XKR6: variants seen among roughly 807,000 people sequenced by gnomAD.
XKR6 encodes XK-related protein 6.
Under a neutral mutation model 56.7 loss-of-function variants are expected in XKR6, and 22 were observed. That is an observed-to-expected ratio of 0.39 (90% CI 0.28 to 0.55). The LOEUF (loss-of-function observed/expected upper bound fraction) is 0.55, where lower values mean the gene tolerates loss of function less well. XKR6 is among the 20% of genes least tolerant of loss of function. XKR6 has a pLI of 0.66. For synonymous variants in XKR6, 524 were observed against 387.8 expected (o/e 1.35, Z -4.13); for missense variants, 852 against 889.0 (o/e 0.96, Z 0.53).
chr8:10,929,831 G>A (rs1156547637), intron 1 of XKR6, among the ~76,000 whole-genome samples: 2 of 152,272 alleles, frequency 1.3e-5, no homozygotes, highest in South Asian at 2.1e-4. Flanking sequence ...TCCCTGAGGT[G>A]CCCTGTTCCT....
intron 1 of XKR6, chr8:11,108,116 G>A (rs1021377600): frequency 2.1e-5 from 7 of 339,980 alleles, no homozygotes; most frequent in South Asian, 9.1e-5. Context: ...TTGGAAACAC[G>A]CAAAGGGACC....
intron 1 of XKR6, among the ~76,000 whole-genome samples, chr8:11,097,976 T>C (rs1307947728): frequency 6.6e-6 from 1 of 151,864 alleles, no homozygotes; most frequent in East Asian, 1.9e-4. Context: ...AAATACGTAA[T>C]ATCAACTGGT....
At chr8:10,962,187 G>A (rs1192601935) in intron 1 of XKR6, among the ~76,000 whole-genome samples, 1 of 152,210 alleles carries the variant, frequency 6.6e-6, no homozygotes, top group Non-Finnish European at 1.5e-5. Context: ...AAAGAAGTAA[G>A]AAAATGCAAA....
chr8:11,198,930 A>AAC (rs1804043807), intron 1 of XKR6, among the ~76,000 whole-genome samples: 1 of 152,108 alleles, frequency 6.6e-6, no homozygotes, highest in Non-Finnish European at 1.5e-5. Context: ...AAAAAAAAAA[A>AAC]GGTATCTCCA....
At chr8:11,124,264 T>A (rs1316041728) in intron 1 of XKR6, 1 of 345,504 alleles carries the variant, frequency 2.9e-6, no homozygotes, top group Admixed American at 3.9e-5. Context: ...ACCCCTCTGT[T>A]AGGCAAAACA....
At chr8:11,002,327 A>T (rs1798260599) in intron 1 of XKR6, 3 of 230,798 alleles carry the variant, frequency 1.3e-5, no homozygotes, top group Non-Finnish European at 2.9e-5. Flanking sequence ...TGGAAGTAAG[A>T]TGCATAGCCT....
intron 1 of XKR6, among the ~76,000 whole-genome samples, chr8:11,024,207 GTGTGTGTGTGTGT>G (rs1563352295): frequency 8.8e-5 from 4 of 45,438 alleles, no homozygotes; most frequent in African/African-American, 4.8e-4. Flanking sequence ...GTTAGGAGGT[GTGTGTGTGTGTGT>G]GTGTGTGTGT....
chr8:11,123,715 C>A (rs972755486), intron 1 of XKR6: 2 of 378,284 alleles, frequency 5.3e-6, no homozygotes, highest in Admixed American at 6.6e-5. Flanking sequence ...GAGGCTGAAT[C>A]TCCTGAAGAA....
chr8:10,950,934 G>A lies in XKR6; in HGVS notation c.765-26104C>T, dbSNP rs148590448. ...CATGAGAAGCCTGAGGTGCAGAGAC[G>A]GCGAGTTACTTGCCCAAGGCCACAC... On this transcript the variant is annotated intron_variant, in intron 1 of 2. Coordinates refer to ENST00000416569, the MANE Select transcript of XKR6 (RefSeq NM_173683.4). Among the ~76,000 whole-genome samples the A allele has an allele frequency of 4.3e-4, 65 of 152,296 alleles. No homozygotes were observed. The East Asian group carries it at 8.9e-3, about 21-fold the overall frequency.
intron 1 of XKR6, among the ~76,000 whole-genome samples, chr8:11,152,203 T>C (rs1038348779): frequency 6.6e-6 from 1 of 152,214 alleles, no homozygotes; most frequent in Non-Finnish European, 1.5e-5. Context: ...ATTAGTGCTA[T>C]CAGCTGTGAG....
At chr8:11,123,736 C>G in intron 1 of XKR6, 1 of 400,956 alleles carries the variant, frequency 2.5e-6, no homozygotes, top group Non-Finnish European at 5.0e-6. Flanking sequence ...ATCCAATATG[C>G]ACCCCTACCC....
chr8:11,033,430 GTGA>G (rs927719207), intron 1 of XKR6, among the ~76,000 whole-genome samples: 2 of 139,034 alleles, frequency 1.4e-5, no homozygotes, highest in African/African-American at 2.9e-5. Context: ...GATGATGATG[GTGA>G]TGATGATGGT....
intron 1 of XKR6, among the ~76,000 whole-genome samples, chr8:11,134,753 T>C (rs948898192): frequency 2.6e-5 from 4 of 152,054 alleles, no homozygotes; most frequent in Admixed American, 2.6e-4. Flanking sequence ...GAAATAATCA[T>C]GGACAATACT....
intron 1 of XKR6, among the ~76,000 whole-genome samples, chr8:11,155,927 G>A (rs1801498288): frequency 6.6e-6 from 1 of 152,164 alleles, no homozygotes; most frequent in African/African-American, 2.4e-5. Context: ...CTTCTCTCCT[G>A]ATGCAATGAA....
chr8:11,062,966 C>T (rs569818613), intron 1 of XKR6: 6 of 391,740 alleles, frequency 1.5e-5, no homozygotes, highest in East Asian at 7.3e-5. Flanking sequence ...GACTCCAGAG[C>T]CCCTGGAGAT....
At chr8:10,982,318 C>T (rs191698672) in intron 1 of XKR6, among the ~76,000 whole-genome samples, 13 of 152,282 alleles carry the variant, frequency 8.5e-5, no homozygotes, top group East Asian at 1.9e-4. Flanking sequence ...GAAGGAAGTC[C>T]GAAGAGATTT....
chr8:10,922,967 C>T (rs1475004365), intron 2 of XKR6, among the ~76,000 whole-genome samples: 1 of 152,200 alleles, frequency 6.6e-6, no homozygotes, highest in African/African-American at 2.4e-5. Flanking sequence ...CCTGTAGGCA[C>T]CAGCTGGGCT....
intron 1 of XKR6, among the ~76,000 whole-genome samples, chr8:11,103,615 A>G (rs1342333729): frequency 6.6e-6 from 1 of 152,190 alleles, no homozygotes; most frequent in African/African-American, 2.4e-5. Flanking sequence ...GAACCATTCA[A>G]GTAGTAAAGA....
intron 1 of XKR6, among the ~76,000 whole-genome samples, chr8:11,077,360 G>A (rs985538146): frequency 2.0e-5 from 3 of 152,146 alleles, no homozygotes; most frequent in Non-Finnish European, 4.4e-5. Context: ...TCCTGAGAGT[G>A]GCTGCAGGGT....
Sources: allele counts gnomAD v4.1 joint callset (sites outside exome capture counted in the v4.1 genomes callset), GRCh38; gene constraint gnomAD v4.1.1; transcripts MANE v1.5; gene names NCBI Gene and HGNC (gene_info 2026-07-23, HGNC 2026-07-21).